GRID2: variants seen among roughly 807,000 people sequenced by gnomAD.
The protein encoded by GRID2 is glutamate receptor ionotropic, delta-2.
A neutral mutation model predicts 114.8 loss-of-function variants in GRID2; 33 were observed. The ratio of observed to expected loss-of-function variants is 0.29; its 90% confidence interval spans 0.22 to 0.38. The LOEUF (loss-of-function observed/expected upper bound fraction) is 0.38, where lower values mean the gene tolerates loss of function less well. Among genes scored for constraint, GRID2 ranks in the 10% least tolerant of loss-of-function variants. The pLI is 1.00. For synonymous variants in GRID2, 505 were observed against 449.9 expected (o/e 1.12, Z -1.55); for missense variants, 1,184 against 1,257.7 (o/e 0.94, Z 0.89).
intron 11 of GRID2, among the ~76,000 whole-genome samples, chr4:93,485,913 A>G (rs1726345470): frequency 6.6e-6 from 1 of 151,738 alleles, no homozygotes; most frequent in Non-Finnish European, 1.5e-5. Flanking sequence ...GGGATTTTTA[A>G]TTGGGAATTC....
chr4:93,412,601 T>C (rs751181203), intron 9 of GRID2, among the ~76,000 whole-genome samples: 12 of 152,200 alleles, frequency 7.9e-5, no homozygotes, highest in Non-Finnish European at 1.3e-4. Flanking sequence ...TTTATTTTAC[T>C]TTAAGTTCCA....
At chr4:92,562,936 A>G (rs531752566) in intron 1 of GRID2, among the ~76,000 whole-genome samples, 5 of 152,272 alleles carry the variant, frequency 3.3e-5, no homozygotes, top group Non-Finnish European at 7.4e-5. Context: ...GAATCACTTT[A>G]CAGTCTTATA....
chr4:93,087,959 A>G (rs1051213398), intron 3 of GRID2, among the ~76,000 whole-genome samples: 3 of 152,152 alleles, frequency 2.0e-5, no homozygotes, highest in African/African-American at 7.2e-5. Context: ...TATCTTGGTT[A>G]TGAAGAATTG....
intron 1 of GRID2, among the ~76,000 whole-genome samples, chr4:92,529,112 C>T (rs1282524248): frequency 2.6e-5 from 4 of 151,958 alleles, no homozygotes; most frequent in Non-Finnish European, 5.9e-5. Context: ...GATGGGAGGG[C>T]TATTTAGAGT....
At chr4:92,693,507 T>TA (rs1432833406) in intron 2 of GRID2, among the ~76,000 whole-genome samples, 5 of 152,248 alleles carry the variant, frequency 3.3e-5, no homozygotes, top group African/African-American at 1.2e-4. Flanking sequence ...AATAACTTGT[T>TA]ACTGCTTTGC....
At chr4:92,660,347 T>A (rs1333011655) in intron 2 of GRID2, among the ~76,000 whole-genome samples, 1 of 151,306 alleles carries the variant, frequency 6.6e-6, no homozygotes, top group Non-Finnish European at 1.5e-5. Flanking sequence ...GTCTTTTAGC[T>A]GGGTCAGATT....
intron 2 of GRID2, among the ~76,000 whole-genome samples, chr4:92,786,360 A>C (rs1739320763): frequency 6.6e-6 from 1 of 151,894 alleles, no homozygotes; most frequent in Non-Finnish European, 1.5e-5. Context: ...TCTGCTTTGA[A>C]AATGAGAGAG....
chr4:93,691,473 G>A (rs1726557765), intron 14 of GRID2, among the ~76,000 whole-genome samples: 1 of 152,144 alleles, frequency 6.6e-6, no homozygotes, highest in South Asian at 2.1e-4. Flanking sequence ...AGTGTCCAGG[G>A]TTTTGTTATG....
chr4:92,932,854 T>A (rs1750354252), intron 2 of GRID2, among the ~76,000 whole-genome samples: 1 of 151,370 alleles, frequency 6.6e-6, no homozygotes, highest in Non-Finnish European at 1.5e-5. Flanking sequence ...GTATGTGATC[T>A]GATTTATACG....
chr4:93,216,642 CAG>C (rs1162073713), intron 5 of GRID2, 94 bp from the exon 6 acceptor site: 10 of 785,824 alleles, frequency 1.3e-5, no homozygotes, highest in Non-Finnish European at 2.1e-5. Flanking sequence ...ATTACAGTAA[CAG>C]AATCCCTAAC....
At chr4:93,551,610 C>T (rs901505012) in intron 13 of GRID2, among the ~76,000 whole-genome samples, 1 of 152,118 alleles carries the variant, frequency 6.6e-6, no homozygotes, top group Admixed American at 6.6e-5. Flanking sequence ...GAGATAAAAC[C>T]TCTTATCTAA....
intron 14 of GRID2, among the ~76,000 whole-genome samples, chr4:93,662,711 T>C (rs1306003153): frequency 6.6e-6 from 1 of 152,158 alleles, no homozygotes; most frequent in African/African-American, 2.4e-5. Flanking sequence ...TGAGAGTTTA[T>C]ATTAGGCTAT....
At chr4:92,787,387 T>C (rs546770842) in intron 2 of GRID2, among the ~76,000 whole-genome samples, 2 of 151,980 alleles carry the variant, frequency 1.3e-5, no homozygotes, top group African/African-American at 4.8e-5. Flanking sequence ...GTGAGGAATT[T>C]TAAATGAGGA....
chr4:93,493,814 T>C (rs530200057), intron 12 of GRID2, among the ~76,000 whole-genome samples: 29 of 151,958 alleles, frequency 1.9e-4, no homozygotes, highest in South Asian at 8.3e-4. Flanking sequence ...GTAGTTCTAC[T>C]GCCCAAAGTA....
At chr4:92,318,441 G>A (rs181987431) in intron 1 of GRID2, among the ~76,000 whole-genome samples, 93 of 148,284 alleles carry the variant, frequency 6.3e-4, no homozygotes, top group Admixed American at 5.4e-3. Flanking sequence ...CATCAGGTAG[G>A]TTGGCTAAGT....
intron 1 of GRID2, among the ~76,000 whole-genome samples, chr4:92,548,823 A>T (rs1034441932): frequency 3.3e-5 from 5 of 152,044 alleles, no homozygotes; most frequent in African/African-American, 1.2e-4. Flanking sequence ...TGGAAGGTGA[A>T]TGGGAAGCCC....
intron 3 of GRID2, among the ~76,000 whole-genome samples, chr4:93,104,528 A>G (rs1201050591): frequency 6.6e-6 from 1 of 151,686 alleles, no homozygotes; most frequent in Admixed American, 6.6e-5. Flanking sequence ...TCATTGTTCA[A>G]TTCCCACCTA....
At chr4:92,545,084 T>G (rs549971000) in intron 1 of GRID2, among the ~76,000 whole-genome samples, 114 of 152,134 alleles carry the variant, frequency 7.5e-4, no homozygotes, top group African/African-American at 2.5e-3. Context: ...CTGACCTGAA[T>G]GCCAGAGCTA....
chr4:92,912,915 A>G (rs1207044359), intron 2 of GRID2, among the ~76,000 whole-genome samples: 2 of 151,870 alleles, frequency 1.3e-5, no homozygotes, highest in East Asian at 1.9e-4. Context: ...AATACATTGT[A>G]TCTTATCCAT....
Sources: gnomAD v4.1 joint callset for allele counts (sites outside exome capture counted in the v4.1 genomes callset) on GRCh38, gnomAD v4.1.1 for gene constraint, MANE v1.5 for transcripts, NCBI Gene and HGNC (gene_info 2026-07-23, HGNC 2026-07-21) for gene names.